UPF2: variants seen among roughly 807,000 people sequenced by gnomAD.
UPF2 encodes UPF2 regulator of nonsense mediated mRNA decay.
In UPF2, 17 loss-of-function variants were observed where a neutral mutation model predicts 141.4. The ratio of observed to expected loss-of-function variants is 0.12; its 90% CI spans 0.08 to 0.18. The LOEUF (loss-of-function observed/expected upper bound fraction) is 0.18, where lower values mean the gene tolerates loss of function less well. UPF2 is among the 10% of genes least tolerant of loss of function. The probability of loss-of-function intolerance (pLI) is 1.00; values close to 1 mark genes in which losing one functional copy is unlikely to be tolerated. For missense variants in UPF2, 1,152 were observed against 1,515.9 expected (o/e 0.76, Z 3.99); for synonymous variants, 540 against 498.0 (o/e 1.08, Z -1.12).
At position 11,942,741 on chromosome 10, in the gene UPF2, C is replaced by A. The variant is rs770620894; in HGVS notation, c.3302G>T (p.Gly1101Val). ...TTCTACACAAGGTACATGCTTAAGT[C>A]CACCGCCTTTAATCATTACCTCCTT... ...ENTEVMIKGG[G>V]LKHVPCVEDE... is the part of the protein sequence containing the mutation. The change falls in exon 18 of 22, where the codon GGA becomes GTA. Residue 1101 changes from glycine (G) to valine (V), a missense_variant. Gly to Val is a moderately radical substitution (Grantham distance 109, BLOSUM62 -3). This residue lies in a region of UPF2 where 202 missense variants were observed against 223.6 expected (regional missense o/e 0.90). Transcript: ENST00000357604. The A allele has an allele frequency of 5.6e-6, 9 of 1,613,684 alleles. No homozygotes were observed. Among genetic ancestry groups the A allele is most frequent in the African/African-American group, 1.3e-5 (1 of 74,904 alleles).
chr10:11,977,019 A>G (rs1833516246), intron 9 of UPF2, among the ~76,000 whole-genome samples: 1 of 152,176 alleles, frequency 6.6e-6, no homozygotes, highest in African/African-American at 2.4e-5. Context: ...CAGGCTTCCT[A>G]GAACACCGGA....
chr10:11,947,598 A>G (rs1035295235), intron 16 of UPF2, among the ~76,000 whole-genome samples: 6 of 151,808 alleles, frequency 4.0e-5, no homozygotes, highest in Admixed American at 3.9e-4. Context: ...CCTGGGCAAT[A>G]TAGCAAGATC....
intron 1 of UPF2, among the ~76,000 whole-genome samples, chr10:12,040,596 A>G (rs1321025631): frequency 1.3e-5 from 2 of 151,182 alleles, no homozygotes; most frequent in Non-Finnish European, 3.0e-5. Context: ...AAATTTCCGT[A>G]AACAAAAAAA....
intron 19 of UPF2, among the ~76,000 whole-genome samples, chr10:11,932,592 C>T (rs929376065): frequency 6.6e-6 from 1 of 152,040 alleles, no homozygotes; most frequent in East Asian, 1.9e-4. Context: ...GTAATAAATA[C>T]GGGGAAATGA....
In UPF2 at chr10:12,000,016, T is replaced by C; in HGVS notation, c.1655-7A>G. The C allele has an allele frequency of 6.3e-7, 1 of 1,584,334 alleles. No individual in the cohort carries two copies. Among genetic ancestry groups the C allele is most frequent in the Non-Finnish European group, 8.6e-7 (1 of 1,168,824 alleles). ...GCTTCCTCATCTTCTTGTTCTAATG[T>C]AAAATTAGTTTTTAAATAGGTTAAA... On this transcript the variant is annotated splice_region_variant and splice_polypyrimidine_tract_variant and intron_variant, in intron 6 of 21. Coordinates refer to ENST00000357604, the MANE Select transcript of UPF2 (RefSeq NM_015542.4).
chr10:11,948,117 G>A (rs1004654281), intron 16 of UPF2, among the ~76,000 whole-genome samples: 2 of 151,590 alleles, frequency 1.3e-5, no homozygotes, highest in Non-Finnish European at 2.9e-5. Context: ...GCGTGGTGGC[G>A]AGTGCTTGTT....
rs1403490115 is a variant in UPF2, at chr10:11,956,262, G to C, written c.2574+58C>G. On this transcript the variant is annotated intron_variant, in intron 13 of 21. Coordinates refer to ENST00000357604, the MANE Select transcript of UPF2 (RefSeq NM_015542.4). The surrounding 1 kb of genome is among the most constrained non-coding windows in gnomAD (Gnocchi z 4.2). ...TAACTTGAGTCTCAATAGTAACCTA[G>C]AAATAATAAATTCTCCACGAATTCC... 1.5e-5 allele frequency: 23 copies of C among 1,517,362 alleles called. No individual in the cohort carries two copies. Among genetic ancestry groups the C allele is most frequent in the Non-Finnish European group, 1.7e-5 (19 of 1,094,732 alleles). 94.0% of individuals were successfully genotyped at this position (1,517,362 alleles called of 1,614,324 possible).
chr10:11,942,287 T>C (rs942778915), intron 18 of UPF2, among the ~76,000 whole-genome samples: 1 of 152,000 alleles, frequency 6.6e-6, no homozygotes, highest in Non-Finnish European at 1.5e-5. Flanking sequence ...GCACAAGAAC[T>C]GCTTGAACCC....
rs1373847340 is a variant in UPF2, at chr10:11,998,159, T to C, written c.1759-402A>G. ...ATATGGCTCTTTGGATGCTGAGTACTTCATTTGAACTAAGAAAACTGGAAA... is the reference window on the plus strand; with the variant it reads ...ATATGGCTCTTTGGATGCTGAGTACCTCATTTGAACTAAGAAAACTGGAAA... On this transcript the variant is annotated intron_variant, in intron 7 of 21. Transcript: ENST00000357604. This position sits in a 1 kb window ranked among gnomAD's most constrained non-coding sequence, Gnocchi z 4.5. Among the ~76,000 whole-genome samples, 1 of 152,136 alleles carries C rather than the reference T, an allele frequency of 6.6e-6. No homozygotes were observed. Among genetic ancestry groups the C allele is most frequent in the Non-Finnish European group, 1.5e-5 (1 of 68,032 alleles).
At position 11,936,224 on chromosome 10, in the gene UPF2, G is replaced by A. The variant is rs757938638; in HGVS notation, c.3546+321C>T. On this transcript the variant is annotated intron_variant, in intron 19 of 21. Transcript: ENST00000357604. The surrounding 1 kb of genome is among the most constrained non-coding windows in gnomAD (Gnocchi z 6.6). ...GTCTCTACTAAAAATACAAAAATTAGCCGGGCGTCATGGTGGACGCCTGTA... is the reference window on the plus strand; with the variant it reads ...GTCTCTACTAAAAATACAAAAATTAACCGGGCGTCATGGTGGACGCCTGTA... Among the ~76,000 whole-genome samples, 5 of 152,010 alleles carry A rather than the reference G, an allele frequency of 3.3e-5. No individual in the cohort carries two copies. The highest frequency in any genetic ancestry group is 7.4e-5 in the Non-Finnish European group (5 of 67,986).
chr10:11,933,416 A>G (rs1832805154), intron 19 of UPF2, among the ~76,000 whole-genome samples: 1 of 152,238 alleles, frequency 6.6e-6, no homozygotes, highest in East Asian at 1.9e-4. Flanking sequence ...AATTTACTTA[A>G]TAACCAAGTA....
At position 11,998,915 on chromosome 10, in the gene UPF2, C is replaced by T. The variant is rs757964069; in HGVS notation, c.1758+991G>A. Reference sequence around the variant, plus strand: ...TGGTGCACGCCTGTAGTCCCAGCTACTCAGGAGGCTGAGGCAGGAGAATCA... The same window carrying T: ...TGGTGCACGCCTGTAGTCCCAGCTATTCAGGAGGCTGAGGCAGGAGAATCA... On this transcript the variant is annotated intron_variant, in intron 7 of 21. Coordinates refer to ENST00000357604, the MANE Select transcript of UPF2 (RefSeq NM_015542.4). The surrounding 1 kb of genome is among the most constrained non-coding windows in gnomAD (Gnocchi z 4.5). Among the ~76,000 whole-genome samples the T allele has an allele frequency of 2.6e-5, 4 of 151,780 alleles. No individual in the cohort carries two copies. The highest frequency in any genetic ancestry group is 1.5e-5 in the Non-Finnish European group (1 of 67,984).
At chr10:12,022,230 G>A (rs993973658) in intron 3 of UPF2, among the ~76,000 whole-genome samples, 2 of 151,916 alleles carry the variant, frequency 1.3e-5, no homozygotes, top group African/African-American at 4.8e-5. Flanking sequence ...TGGGCAACAT[G>A]GTGAAACCCT....
In UPF2 at chr10:11,998,624, G is replaced by A. The variant is rs1588560692; in HGVS notation, c.1759-867C>T. Among the ~76,000 whole-genome samples the A allele has an allele frequency of 6.6e-6, 1 of 152,210 alleles. No homozygotes were observed. Among genetic ancestry groups the A allele is most frequent in the East Asian group, 1.9e-4 (1 of 5,180 alleles). On this transcript the variant is annotated intron_variant, in intron 7 of 21. Transcript: ENST00000357604. This position sits in a 1 kb window ranked among gnomAD's most constrained non-coding sequence, Gnocchi z 4.5. ...TTCTAGCACTCTGGGAGGCCGAGGT[G>A]GGTGGATCACGTGAGGTCAGGAGTT...
At chr10:12,034,956 A>G (rs1834595250) in intron 2 of UPF2, 103 bp downstream of exon 2, 4 of 1,465,222 alleles carry the variant, frequency 2.7e-6, no homozygotes, top group Non-Finnish European at 2.7e-6. Context: ...CCCAATTCTT[A>G]AAGAGCTGCA....
chr10:11,928,381 T>C (rs1301190952), intron 21 of UPF2, among the ~76,000 whole-genome samples: 4 of 152,148 alleles, frequency 2.6e-5, no homozygotes, highest in African/African-American at 7.2e-5. Context: ...CTTTAGATCA[T>C]GTCCCAGAAA....
chr10:11,961,548 C>T (rs1410466268), intron 11 of UPF2, among the ~76,000 whole-genome samples: 1 of 151,956 alleles, frequency 6.6e-6, no homozygotes, highest in African/African-American at 2.4e-5. Context: ...CACTGCACAC[C>T]AAGGTGAGAA....
At chr10:11,932,053 G>A (rs1294541553) in intron 19 of UPF2, among the ~76,000 whole-genome samples, 3 of 151,996 alleles carry the variant, frequency 2.0e-5, no homozygotes, top group Non-Finnish European at 4.4e-5. Flanking sequence ...GGAGGCTGAG[G>A]CAGGAGAACT....
intron 21 of UPF2, among the ~76,000 whole-genome samples, chr10:11,923,816 GCA>G (rs1832677808): frequency 6.6e-6 from 1 of 152,156 alleles, no homozygotes; most frequent in Admixed American, 6.5e-5. Flanking sequence ...TCCAGCCTGG[GCA>G]ACAGAACAAG....
Sources: gnomAD v4.1 joint callset for allele counts (sites outside exome capture counted in the v4.1 genomes callset) on GRCh38, gnomAD v4.1.1 for gene constraint, gnomAD v4.1.1 regional missense constraint, Gnocchi (gnomAD v3.1) non-coding constraint, MANE v1.5 for transcripts, NCBI Gene and HGNC (gene_info 2026-07-23, HGNC 2026-07-21) for gene names.